AOPEP: variants seen among roughly 807,000 people sequenced by gnomAD.
AOPEP encodes the protein aminopeptidase O.
In AOPEP, 77 loss-of-function variants were observed where a neutral mutation model predicts 98.1. That is an observed-to-expected ratio of 0.78 (90% CI 0.65 to 0.95). The LOEUF (loss-of-function observed/expected upper bound fraction) is 0.95, where lower values mean the gene tolerates loss of function less well. Among genes scored for constraint, AOPEP ranks in the 40% least tolerant of loss-of-function variants. The pLI is 0.00. For synonymous variants in AOPEP, 346 were observed against 365.3 expected (o/e 0.95, Z 0.60); for missense variants, 1,024 against 1,024.7 (o/e 1.00, Z 0.01).
rs1240172413 is a variant in AOPEP, at chr9:94,972,392, C to T, written c.1916+4591C>T. 4.6e-5 allele frequency among the ~76,000 whole-genome samples: 7 copies of T among 152,124 alleles called. No individual in the cohort carries two copies. Among genetic ancestry groups the T allele is most frequent in the Admixed American group, 4.6e-4 (7 of 15,278 alleles). On this transcript the variant is annotated intron_variant, in intron 10 of 16. Transcript: ENST00000375315. The surrounding 1 kb of genome is among the most constrained non-coding windows in gnomAD (Gnocchi z 4.2). ...AGAAGAAAACCCAGACAATCCTGAG[C>T]AGCAGTCTCTCCTGGTGAAAGAGCC...
chr9:94,978,456 G>A (rs1285766511), intron 10 of AOPEP, among the ~76,000 whole-genome samples: 1 of 151,966 alleles, frequency 6.6e-6, no homozygotes, highest in African/African-American at 2.4e-5. Flanking sequence ...ATCCAACGAG[G>A]AGACAGTAAC....
At chr9:95,137,862 A>G in the AOPEP span, among the ~76,000 whole-genome samples, 2 of 152,222 alleles carry the variant, frequency 1.3e-5, no homozygotes, top group African/African-American at 4.8e-5. Flanking sequence ...ATGAACCCTG[A>G]GTGTGCCGGG....
chr9:94,776,065 G>T (rs1289851884), intron 3 of AOPEP, among the ~76,000 whole-genome samples: 1 of 151,796 alleles, frequency 6.6e-6, no homozygotes, highest in Non-Finnish European at 1.5e-5. Context: ...AAGAACAAAG[G>T]ACAAAGCATT....
chr9:95,107,783 CACAT>C, the AOPEP span, among the ~76,000 whole-genome samples: 8 of 152,170 alleles, frequency 5.3e-5, no homozygotes, highest in African/African-American at 1.7e-4. Context: ...CGGTCATACA[CACAT>C]GCATGCACAC....
Position 94,759,841 on chromosome 9 carries a change from C to T in AOPEP, c.58C>T (p.His20Tyr). The change falls in exon 2 of 17, where the codon CAC (histidine) becomes TAC (tyrosine). Residue 20 changes from histidine to tyrosine, a missense_variant. His to Tyr is a moderately conservative substitution (Grantham distance 83). Coordinates refer to ENST00000375315, the MANE Select transcript of AOPEP (RefSeq NM_001193329.3). ...CCTGCCTCTCATGGCCAACACCAGC[C>T]ACATACTTGTGAAGCACTATGTACT... Reference protein sequence around the residue: ...DDLPLMANTSHILVKHYVLDL... With the variant: ...DDLPLMANTSYILVKHYVLDL... The T allele has an allele frequency of 6.2e-7, 1 of 1,614,124 alleles. No individual in the cohort carries two copies. The highest frequency in any genetic ancestry group is 8.5e-7 in the Non-Finnish European group (1 of 1,179,994).
chr9:94,807,147 A>C (rs1290026237), intron 5 of AOPEP, among the ~76,000 whole-genome samples: 1 of 152,180 alleles, frequency 6.6e-6, no homozygotes, highest in Non-Finnish European at 1.5e-5. Context: ...CCTGGATCAC[A>C]TGAGTTCTTG....
At chr9:95,128,759 G>A in the AOPEP span, among the ~76,000 whole-genome samples, 4 of 152,178 alleles carry the variant, frequency 2.6e-5, no homozygotes, top group East Asian at 3.8e-4. Context: ...TCTCCTCTTA[G>A]ATTTCTTTCT....
chr9:94,852,130 T>G (rs1391936550), intron 5 of AOPEP, among the ~76,000 whole-genome samples: 2 of 152,138 alleles, frequency 1.3e-5, no homozygotes, highest in Admixed American at 1.3e-4. Context: ...CTATGGGAGA[T>G]GCCTTATGTC....
At chr9:94,763,036 C>G in intron 2 of AOPEP, 1 of 378,910 alleles carries the variant, frequency 2.6e-6, no homozygotes, top group Non-Finnish European at 5.4e-6. Context: ...ATAGTTTCTA[C>G]ATATTTGTTC....
At chr9:94,772,903 T>G in intron 2 of AOPEP, 99 bp from the exon 3 acceptor site, 1 of 1,210,156 alleles carries the variant, frequency 8.3e-7, no homozygotes, top group Non-Finnish European at 1.1e-6. Context: ...AAATGTTTTC[T>G]TTGAAAGCTC....
downstream of AOPEP, among the ~76,000 whole-genome samples, chr9:95,089,925 G>A (rs1185214876): frequency 5.3e-5 from 8 of 152,224 alleles, no homozygotes; most frequent in East Asian, 7.7e-4. Context: ...CTGAACAGAC[G>A]GACCCAGGAC....
intron 5 of AOPEP, among the ~76,000 whole-genome samples, chr9:94,846,591 G>A (rs1449194854): frequency 6.6e-6 from 1 of 152,232 alleles, no homozygotes; most frequent in Non-Finnish European, 1.5e-5. Context: ...TTTGTGTGCT[G>A]AAGAGAATAA....
At position 94,759,984 on chromosome 9, in the gene AOPEP, A is replaced by G; in HGVS notation, c.201A>G (p.Glu67=). 1 of 1,614,242 alleles carries G rather than the reference A, an allele frequency of 6.2e-7. No individual in the cohort carries two copies. Among genetic ancestry groups the G allele is most frequent in the Non-Finnish European group, 8.5e-7 (1 of 1,180,034 alleles). The change falls in exon 2 of 17, where the codon GAA becomes GAG. Residue 67 remains glutamate, a synonymous_variant. Coordinates refer to ENST00000375315, the MANE Select transcript of AOPEP (RefSeq NM_001193329.3). ...CTATTGAGGAAGCCTGCCAATCAGAATCAAACAAAGCCTGCAAATTTGGGA... is the reference window on the plus strand; with the variant it reads ...CTATTGAGGAAGCCTGCCAATCAGAGTCAAACAAAGCCTGCAAATTTGGGA... ...NSSIEEACQS[E]SNKACKFGMP...
At chr9:94,985,829 G>A (rs1484496579) in intron 11 of AOPEP, among the ~76,000 whole-genome samples, 3 of 152,030 alleles carry the variant, frequency 2.0e-5, no homozygotes, top group African/African-American at 7.2e-5. Flanking sequence ...TAGGTTCTGC[G>A]GCCTCACTTG....
At chr9:94,961,293 C>A (rs1342787972) in intron 9 of AOPEP, among the ~76,000 whole-genome samples, 1 of 152,070 alleles carries the variant, frequency 6.6e-6, no homozygotes, top group African/African-American at 2.4e-5. Context: ...CTTTTTTCCC[C>A]CTGGAAAAAT....
chr9:94,741,125 T>TA (rs1238555065), intron 1 of AOPEP, among the ~76,000 whole-genome samples: 1 of 151,972 alleles, frequency 6.6e-6, no homozygotes, highest in African/African-American at 2.4e-5. Context: ...CAAATTCAGG[T>TA]AATAGAAGGT....
intron 2 of AOPEP, among the ~76,000 whole-genome samples, chr9:94,761,025 G>A (rs1838160006): frequency 6.6e-6 from 1 of 152,156 alleles, no homozygotes; most frequent in Non-Finnish European, 1.5e-5. Context: ...TTCAAATAAA[G>A]CCAGCTCTGC....
At chr9:94,814,537 A>G (rs1372591204) in intron 5 of AOPEP, among the ~76,000 whole-genome samples, 5 of 152,194 alleles carry the variant, frequency 3.3e-5, no homozygotes, top group African/African-American at 1.2e-4. Flanking sequence ...ATATTGGAGA[A>G]TGACTCCCCA....
At chr9:94,927,324 A>G (rs753571434) in intron 6 of AOPEP, among the ~76,000 whole-genome samples, 22 of 151,876 alleles carry the variant, frequency 1.4e-4, no homozygotes, top group Non-Finnish European at 2.8e-4. Context: ...CCTTCAACAC[A>G]TATATTTTGT....
Sources: gnomAD v4.1 joint callset for allele counts (sites outside exome capture counted in the v4.1 genomes callset) on GRCh38, gnomAD v4.1.1 for gene constraint, Gnocchi (gnomAD v3.1) non-coding constraint, MANE v1.5 for transcripts, NCBI Gene and HGNC (gene_info 2026-07-23, HGNC 2026-07-21) for gene names.